CALD1: variants seen among roughly 807,000 people sequenced by gnomAD.
CALD1 encodes the protein caldesmon 1.
A neutral mutation model predicts 99.9 loss-of-function variants in CALD1; 33 were observed. The ratio of observed to expected loss-of-function variants is 0.33; its 90% CI spans 0.25 to 0.44. The LOEUF (loss-of-function observed/expected upper bound fraction) is 0.44, where lower values mean the gene tolerates loss of function less well. Ranked by LOEUF, CALD1 falls within the 20% of genes least tolerant of loss-of-function variation. The pLI is 1.00. For missense variants in CALD1, 861 were observed against 962.1 expected, an observed-to-expected ratio of 0.89 and a Z score of 1.39; for synonymous variants, 310 against 325.0, an observed-to-expected ratio of 0.95 and a Z score of 0.50.
chr7:134,765,718 T>G (rs763425761), intron 1 of CALD1, among the ~76,000 whole-genome samples: 5 of 152,196 alleles, frequency 3.3e-5, no homozygotes, highest in Non-Finnish European at 5.9e-5. Flanking sequence ...GGGGATGGAT[T>G]TCTCATGAAT....
intron 3 of CALD1, among the ~76,000 whole-genome samples, chr7:134,905,043 C>A (rs1352138601): frequency 6.6e-6 from 1 of 152,074 alleles, no homozygotes; most frequent in Non-Finnish European, 1.5e-5. Flanking sequence ...CAGGGAGGAA[C>A]AAGGGAACAC....
the CALD1 span, among the ~76,000 whole-genome samples, chr7:134,712,164 A>G: frequency 6.6e-6 from 1 of 152,130 alleles, no homozygotes; most frequent in Non-Finnish European, 1.5e-5. Flanking sequence ...TTCTTGAAAC[A>G]ATGCTTAGAG....
In CALD1 at chr7:134,814,517, A is replaced by G. The variant is rs1305396691; in HGVS notation, c.-129-29367A>G. Reference sequence around the variant, plus strand: ...GACTGCTGTGGAGGGATTTCCTTCCAAGAACACACAGAATTCTGGGGCTCC... The same window carrying G: ...GACTGCTGTGGAGGGATTTCCTTCCGAGAACACACAGAATTCTGGGGCTCC... On this transcript the variant is annotated intron_variant, in intron 1 of 14. Coordinates refer to ENST00000361675, the MANE Select transcript of CALD1 (RefSeq NM_033138.4). Among the ~76,000 whole-genome samples, 7 of 152,180 alleles carry G rather than the reference A, an allele frequency of 4.6e-5. No homozygotes were observed. The South Asian group carries it at 1.4e-3, about 32-fold the overall frequency.
intron 1 of CALD1, among the ~76,000 whole-genome samples, chr7:134,833,584 G>A (rs1207510411): frequency 6.6e-6 from 1 of 152,188 alleles, no homozygotes; most frequent in African/African-American, 2.4e-5. Flanking sequence ...GGAGAATGAT[G>A]TTTCCATCAA....
intron 1 of CALD1, among the ~76,000 whole-genome samples, chr7:134,833,990 G>A (rs1799332391): frequency 6.6e-6 from 1 of 152,202 alleles, no homozygotes; most frequent in Admixed American, 6.5e-5. Context: ...GAAGAAAGAT[G>A]CCTAGAATCC....
intron 1 of CALD1, among the ~76,000 whole-genome samples, chr7:134,808,213 A>C (rs1213077375): frequency 6.7e-6 from 1 of 149,562 alleles, no homozygotes; most frequent in Non-Finnish European, 1.5e-5. Context: ...CAATCCTCCC[A>C]CCTCAGCTTC....
intron 1 of CALD1, among the ~76,000 whole-genome samples, chr7:134,761,228 C>T (rs2131595431): frequency 6.6e-6 from 1 of 152,286 alleles, no homozygotes; most frequent in Admixed American, 6.5e-5. Context: ...TCCCTAACCC[C>T]AACCCCCTGC....
intron 2 of CALD1, among the ~76,000 whole-genome samples, chr7:134,863,327 T>A (rs1428192863): frequency 6.6e-6 from 1 of 152,278 alleles, no homozygotes; most frequent in African/African-American, 2.4e-5. Context: ...TAGTTCCTTT[T>A]GGATGCTGCA....
At chr7:134,759,069 C>T (rs148437391) in intron 1 of CALD1, among the ~76,000 whole-genome samples, 1 of 152,174 alleles carries the variant, frequency 6.6e-6, no homozygotes, top group Non-Finnish European at 1.5e-5. Flanking sequence ...AGTTAGTGTA[C>T]TGTGACCCCA....
chr7:134,892,040 T>C (rs1380871971), intron 3 of CALD1, among the ~76,000 whole-genome samples: 1 of 152,220 alleles, frequency 6.6e-6, no homozygotes, highest in Non-Finnish European at 1.5e-5. Context: ...CCGTTCAGAA[T>C]GATCCATTTG....
intron 1 of CALD1, among the ~76,000 whole-genome samples, chr7:134,819,088 G>C (rs1286254427): frequency 1.3e-5 from 2 of 152,148 alleles, no homozygotes; most frequent in African/African-American, 4.8e-5. Context: ...CAAGGCAAGA[G>C]CAACTGAGAA....
At chr7:134,726,512 A>G in the CALD1 span, among the ~76,000 whole-genome samples, 1 of 137,056 alleles carries the variant, frequency 7.3e-6, no homozygotes, top group Non-Finnish European at 1.5e-5. Flanking sequence ...TATATAATAT[A>G]CAATATATTA....
intron 1 of CALD1, among the ~76,000 whole-genome samples, chr7:134,748,290 C>A (rs1023763000): frequency 6.6e-6 from 1 of 152,216 alleles, no homozygotes; most frequent in Non-Finnish European, 1.5e-5. Context: ...ATAGTACCTG[C>A]GGTCTCACCC....
chr7:134,832,351 TGAC>T (rs1563031521), intron 1 of CALD1, among the ~76,000 whole-genome samples: 1 of 152,212 alleles, frequency 6.6e-6, no homozygotes, highest in Non-Finnish European at 1.5e-5. Flanking sequence ...AACCATCACC[TGAC>T]ATTTCTAGTG....
At chr7:134,757,334 C>T (rs1796738797) in intron 1 of CALD1, among the ~76,000 whole-genome samples, 1 of 152,170 alleles carries the variant, frequency 6.6e-6, no homozygotes, top group African/African-American at 2.4e-5. Context: ...TTCCACCTCC[C>T]ACTTCCATTC....
chr7:134,889,517 T>C (rs1327005705), intron 3 of CALD1, among the ~76,000 whole-genome samples: 2 of 152,216 alleles, frequency 1.3e-5, no homozygotes, highest in Non-Finnish European at 2.9e-5. Context: ...CAAATTAACA[T>C]GTTCTCAGGT....
In CALD1 at chr7:134,968,744, A is replaced by G. The variant is rs1018039874; in HGVS notation, c.*399A>G. On this transcript the variant is annotated 3_prime_UTR_variant, in exon 15 of 15. Coordinates refer to ENST00000361675, the MANE Select transcript of CALD1 (RefSeq NM_033138.4). ...TTTTGTTTTTTTAAATACAGAAGTC[A>G]TGTTGTTTCTGCACTTTATAATAAA... is the stretch of plus-strand genomic sequence containing the variant. The G allele has an allele frequency of 1.5e-4, 47 of 303,994 alleles. No homozygotes were observed. Among genetic ancestry groups the G allele is most frequent in the South Asian group, 5.0e-4 (14 of 27,920 alleles). 18.8% of individuals were successfully genotyped at this position (303,994 alleles called of 1,614,324 possible). A position where few individuals can be genotyped will look rare whatever the true frequency, so the allele number is the denominator to read the frequency against.
In CALD1 at chr7:134,843,984, T is replaced by A. The variant is rs746828312; in HGVS notation, c.-42+13T>A. 1 of 152,212 alleles carries A rather than the reference T, an allele frequency of 6.6e-6. No individual in the cohort carries two copies. The highest frequency in any genetic ancestry group is 1.5e-5 in the Non-Finnish European group (1 of 68,040). The allele number at this position is 152,212 out of a possible 1,614,324, so 9.4% of individuals were successfully genotyped here. The stretch of plus-strand genomic sequence containing the variant: ...TGATTGCTGACCTGTGAGTAAAGTT[T>A]ATGTTTTATTAATACTTTGGGCTCT... On this transcript the variant is annotated intron_variant, in intron 2 of 14. Coordinates refer to ENST00000361675, the MANE Select transcript of CALD1 (RefSeq NM_033138.4).
At chr7:134,818,644 C>T (rs1002253734) in intron 1 of CALD1, among the ~76,000 whole-genome samples, 1 of 152,062 alleles carries the variant, frequency 6.6e-6, no homozygotes, top group Non-Finnish European at 1.5e-5. Context: ...CAAGGTAATT[C>T]GATTTTCTTT....
Sources: allele counts gnomAD v4.1 joint callset (sites outside exome capture counted in the v4.1 genomes callset), GRCh38; gene constraint gnomAD v4.1.1; transcripts MANE v1.5; gene names NCBI Gene and HGNC (gene_info 2026-07-23, HGNC 2026-07-21).